GRXCR2: variants seen among roughly 807,000 people sequenced by gnomAD.
GRXCR2 encodes glutaredoxin domain-containing cysteine-rich protein 2.
In GRXCR2, 23 loss-of-function variants were observed where a neutral mutation model predicts 24.8. That is an observed-to-expected ratio of 0.93 (90% CI 0.67 to 1.32). The LOEUF (loss-of-function observed/expected upper bound fraction) is 1.32, where lower values mean the gene tolerates loss of function less well. GRXCR2 is among the 40% of genes most tolerant of loss of function. The pLI, the probability that GRXCR2 is intolerant of heterozygous loss-of-function variation, is 0.00. For synonymous variants in GRXCR2, 130 were observed against 116.1 expected, an observed-to-expected ratio of 1.12 and a Z score of -0.77; for missense variants, 315 against 303.4, an observed-to-expected ratio of 1.04 and a Z score of -0.28.
intron 2 of GRXCR2, among the ~76,000 whole-genome samples, chr5:145,879,005 T>C (rs1003038069): frequency 2.6e-5 from 4 of 152,172 alleles, no homozygotes; most frequent in Non-Finnish European, 5.9e-5. Context: ...AGAGATTTTG[T>C]CACTACCAAG....
rs114328005 is a variant in GRXCR2, at chr5:145,928,933, A to T, written c.-70+6768T>A. Among the ~76,000 whole-genome samples the T allele has an allele frequency of 8.7e-3, 1,317 of 152,158 alleles. 22 individuals are homozygous for T. Among genetic ancestry groups the T allele is most frequent in the African/African-American group, 0.03 (1,265 of 41,518 alleles). On this transcript the variant is annotated intron_variant, in intron 2 of 3. Transcript: ENST00000639411. ...AAAAAAGTATTACACTAGAATATACATTCATTATAGAACAATTACAAACAT... is the reference window on the plus strand; with the variant it reads ...AAAAAAGTATTACACTAGAATATACTTTCATTATAGAACAATTACAAACAT...
Position 145,878,867 on chromosome 5 carries a change from G to A in GRXCR2, c.-69-12139C>T, listed in dbSNP as rs191924975. ...GGATCTCTTGGCAGAAACCCTACAA[G>A]CCAGAAGAGAGTGGGGGCCAATATT... On this transcript the variant is annotated intron_variant, in intron 2 of 3. Coordinates refer to the GRXCR2 transcript ENST00000639411. Among the ~76,000 whole-genome samples, 444 of 152,270 alleles carry A rather than the reference G, an allele frequency of 2.9e-3. 2 individuals carry two copies. The highest frequency in any genetic ancestry group is 0.02 in the Middle Eastern group (6 of 294).
rs765480071 is a variant in GRXCR2, at chr5:145,866,644, A to G, written c.421T>C (p.Phe141Leu). 2.0e-5 allele frequency: 33 copies of G among 1,613,936 alleles called. No homozygotes were observed. Among genetic ancestry groups the G allele is most frequent in the Admixed American group, 6.7e-5 (4 of 59,998 alleles). ...TCCTTCTGGAGAATTTTCCTCACAA[A>G]ATCTCTCTTGTCCATTGGGGTTCGA... ...IIRTPMDKRDFVRKILQKEEE... is the reference protein window; with the variant it reads ...IIRTPMDKRDLVRKILQKEEE... Residue 141 changes from phenylalanine (F) to leucine (L), a missense_variant, in exon 2 of 3, where the codon TTT becomes CTT. By Grantham distance (22) the Phe-to-Leu change is conservative. Coordinates refer to ENST00000377976, the MANE Select transcript of GRXCR2 (RefSeq NM_001080516.2).
intron 2 of GRXCR2, among the ~76,000 whole-genome samples, chr5:145,882,205 A>G (rs1756712669): frequency 6.6e-6 from 1 of 152,228 alleles, no homozygotes; most frequent in Non-Finnish European, 1.5e-5. Context: ...CTGCACGGCA[A>G]AAGAAACTAC....
intron 2 of GRXCR2, among the ~76,000 whole-genome samples, chr5:145,908,674 C>T (rs1003990308): frequency 6.6e-6 from 1 of 152,172 alleles, no homozygotes; most frequent in African/African-American, 2.4e-5. Flanking sequence ...TAAGCAAAAA[C>T]TCCAGGGATG....
chr5:145,872,786 C>T lies in GRXCR2; in HGVS notation c.183G>A (p.Met61Ile). The change falls in exon 1 of 3, where the codon ATG (methionine) becomes ATA (isoleucine). Residue 61 changes from methionine (M) to isoleucine (I), a missense_variant. By Grantham distance (10) the Met-to-Ile change is conservative (BLOSUM62 1). Transcript: ENST00000377976. ...HSFLQESLET[M>I]DGVYGSGEVP... ...CTTCCCCAGACCCATAAACACCATC[C>T]ATTGTTTCAAGAGACTCTTGCAGAA... is the stretch of plus-strand genomic sequence containing the variant. The T allele has an allele frequency of 6.2e-7, 1 of 1,614,206 alleles. No individual in the cohort carries two copies. The highest frequency in any genetic ancestry group is 1.1e-5 in the South Asian group (1 of 91,084).
intron 2 of GRXCR2, 44 bp from the exon 3 acceptor site, chr5:145,859,959 T>C (rs768053222): frequency 1.3e-6 from 2 of 1,487,186 alleles, no homozygotes; most frequent in Non-Finnish European, 9.0e-7. Flanking sequence ...GCAGTTCAAG[T>C]CCGTTGTTCA....
chr5:145,921,482 C>T (rs1250339981), intron 2 of GRXCR2, among the ~76,000 whole-genome samples: 1 of 152,134 alleles, frequency 6.6e-6, no homozygotes, highest in African/African-American at 2.4e-5. Context: ...TCCCTTTCTC[C>T]CTGTGAGATA....
intron 2 of GRXCR2, among the ~76,000 whole-genome samples, chr5:145,901,546 TA>T (rs1227112179): frequency 1.3e-5 from 2 of 152,206 alleles, no homozygotes; most frequent in Non-Finnish European, 2.9e-5. Flanking sequence ...GCTTATATTC[TA>T]GTGGAGGGAA....
At chr5:145,894,258 G>C (rs1462872789) in intron 2 of GRXCR2, among the ~76,000 whole-genome samples, 6 of 152,152 alleles carry the variant, frequency 3.9e-5, no homozygotes, top group Non-Finnish European at 8.8e-5. Flanking sequence ...TCAAAAGCTA[G>C]CAGAAGGCAA....
At chr5:145,930,194 C>T (rs563987095) in intron 2 of GRXCR2, among the ~76,000 whole-genome samples, 11 of 152,154 alleles carry the variant, frequency 7.2e-5, no homozygotes, top group Non-Finnish European at 1.3e-4. Flanking sequence ...AACTGATTCT[C>T]CTGCCTCAGC....
At chr5:145,874,411 C>A (rs1417310130), upstream of GRXCR2, among the ~76,000 whole-genome samples, 1 of 152,010 alleles carries the variant, frequency 6.6e-6, no homozygotes, top group Non-Finnish European at 1.5e-5. Flanking sequence ...ACCATGTTGG[C>A]CAGGATGGTC....
At chr5:145,928,454 G>C (rs1230966207) in intron 2 of GRXCR2, among the ~76,000 whole-genome samples, 1 of 151,914 alleles carries the variant, frequency 6.6e-6, no homozygotes, top group East Asian at 1.9e-4. Context: ...ACATGCACAC[G>C]TATGTTTATT....
intron 2 of GRXCR2, among the ~76,000 whole-genome samples, chr5:145,896,927 A>G (rs965064450): frequency 6.6e-6 from 1 of 152,140 alleles, no homozygotes; most frequent in Non-Finnish European, 1.5e-5. Flanking sequence ...AATGTGGCAC[A>G]TATACACCAT....
intron 2 of GRXCR2, among the ~76,000 whole-genome samples, chr5:145,865,546 A>T (rs1756415039): frequency 6.6e-6 from 1 of 152,228 alleles, no homozygotes; most frequent in African/African-American, 2.4e-5. Context: ...AAACTTGTGG[A>T]CACTGACAGC....
rs181125621 is a variant in GRXCR2 at position 145,869,622 on chromosome 5, A to C, written c.337-2894T>G. On this transcript the variant is annotated intron_variant, in intron 1 of 2. Coordinates refer to ENST00000377976, the MANE Select transcript of GRXCR2 (RefSeq NM_001080516.2). ...ACCCAGGCTGGAGTGCAGTGGTGCAATCTCGGCTCACTGCAAGCTCCGCCT... is the reference window on the plus strand; with the variant it reads ...ACCCAGGCTGGAGTGCAGTGGTGCACTCTCGGCTCACTGCAAGCTCCGCCT... Among the ~76,000 whole-genome samples the C allele has an allele frequency of 1.8e-3, 270 of 149,940 alleles. 2 individuals are homozygous for C. The highest frequency in any genetic ancestry group is 6.5e-3 in the African/African-American group (262 of 40,498).
intron 1 of GRXCR2, among the ~76,000 whole-genome samples, chr5:145,870,849 C>T (rs1756517133): frequency 1.3e-5 from 2 of 152,128 alleles, no homozygotes. Context: ...AAGCAGGAAT[C>T]AGACCTTCAA....
intron 2 of GRXCR2, among the ~76,000 whole-genome samples, chr5:145,887,484 C>T (rs1027221649): frequency 3.3e-5 from 5 of 152,100 alleles, no homozygotes; most frequent in Non-Finnish European, 5.9e-5. Flanking sequence ...GTACTGTACT[C>T]AAAATGAATG....
intron 2 of GRXCR2, among the ~76,000 whole-genome samples, chr5:145,886,765 C>G (rs1272282501): frequency 6.6e-6 from 1 of 152,110 alleles, no homozygotes; most frequent in Non-Finnish European, 1.5e-5. Flanking sequence ...CAAAAATATA[C>G]AGATGAAATT....
Sources: allele counts gnomAD v4.1 joint callset (sites outside exome capture counted in the v4.1 genomes callset), GRCh38; gene constraint gnomAD v4.1.1; transcripts MANE v1.5; gene names NCBI Gene and HGNC (gene_info 2026-07-23, HGNC 2026-07-21).